Variants in L3MBTL2 observed in about 807,000 individuals in gnomAD.
L3MBTL2 encodes lethal(3)malignant brain tumor-like protein 2.
Under a neutral mutation model 86.4 loss-of-function variants are expected in L3MBTL2, and 49 were observed. The observed-to-expected ratio is 0.57, with a 90% confidence interval of 0.45 to 0.72. The LOEUF is 0.72. L3MBTL2 is among the 30% of genes least tolerant of loss of function. The pLI, the probability that L3MBTL2 is intolerant of heterozygous loss-of-function variation, is 0.00. For missense variants in L3MBTL2, 755 were observed against 923.7 expected, an observed-to-expected ratio of 0.82 and a Z score of 2.37; for synonymous variants, 336 against 350.6, an observed-to-expected ratio of 0.96 and a Z score of 0.47.
chr22:41,224,751 C>G lies in L3MBTL2; in HGVS notation c.1201C>G (p.Pro401Ala), dbSNP rs1253706948. The G allele has an allele frequency of 6.2e-7, 1 of 1,613,992 alleles. No individual in the cohort carries two copies. The highest frequency in any genetic ancestry group is 1.1e-5 in the South Asian group (1 of 91,080). The change falls in exon 10 of 17, where the codon CCC (proline) becomes GCC (alanine). Residue 401 changes from proline to alanine, a missense_variant. By Grantham distance (27) the Pro-to-Ala change is conservative. Around this residue, in one of 3 missense-constraint regions of L3MBTL2, gnomAD observed 634 missense variants for 748.9 expected, o/e 0.85. Transcript: ENST00000216237. The surrounding 1 kb of genome is among the most constrained non-coding windows in gnomAD (Gnocchi z 4.9). ...GAGGCGAAGTGACATGGCCCATCAC[C>G]CCACCTTCCGGAAGATCTACTGTGA... ...SERRSDMAHH[P>A]TFRKIYCDAV... is the part of the protein sequence containing the mutation.
intron 16 of L3MBTL2, 50 bp from the exon 17 acceptor site, chr22:41,230,089 C>CCCCCCCCCCCCCTT: frequency 1.1e-6 from 1 of 873,242 alleles, no homozygotes; most frequent in Non-Finnish European, 1.8e-6. Flanking sequence ...GCCCCCACCC[C>CCCCCCCCCCCCCTT]TCCCAGAGTT....
Position 41,224,854 on chromosome 22 carries a change from C to G in L3MBTL2, c.1251+53C>G, listed in dbSNP as rs2032073151. The G allele has an allele frequency of 6.4e-7, 1 of 1,558,858 alleles. No individual in the cohort carries two copies. Among genetic ancestry groups the G allele is most frequent in the African/African-American group, 1.4e-5 (1 of 73,796 alleles). On this transcript the variant is annotated intron_variant, in intron 10 of 16. Transcript: ENST00000216237. This position sits in a 1 kb window ranked among gnomAD's most constrained non-coding sequence, Gnocchi z 4.9. ...CCCTCAGCCATGGGTCCATTCCGGGCCTGAGGGACCTGGCTCTTCCCCTGG... is the reference window on the plus strand; with the variant it reads ...CCCTCAGCCATGGGTCCATTCCGGGGCTGAGGGACCTGGCTCTTCCCCTGG...
chr22:41,221,305 A>T lies in L3MBTL2; in HGVS notation c.942+18A>T, dbSNP rs1321279491. On this transcript the variant is annotated intron_variant, in intron 8 of 16. Transcript: ENST00000216237. Reference sequence around the variant, plus strand: ...ACATCAAGGTCGGCAGTGAGCCCTTAACTGATGTGCCTCCTTCCGCTCTTC... The same window carrying T: ...ACATCAAGGTCGGCAGTGAGCCCTTTACTGATGTGCCTCCTTCCGCTCTTC... 1.4e-5 allele frequency: 22 copies of T among 1,546,076 alleles called. No individual in the cohort carries two copies. The Admixed American group carries it at 2.6e-4, about 18-fold the overall frequency.
At position 41,227,382 on chromosome 22, in the gene L3MBTL2, T is replaced by C. The variant is rs1213485263; in HGVS notation, c.1822+59T>C. 4 of 1,461,748 alleles carry C rather than the reference T, an allele frequency of 2.7e-6. No individual in the cohort carries two copies. The highest frequency in any genetic ancestry group is 3.7e-6 in the Non-Finnish European group (4 of 1,066,976). 90.5% of individuals were successfully genotyped at this position (1,461,748 alleles called of 1,614,324 possible). On this transcript the variant is annotated intron_variant, in intron 14 of 16. Transcript: ENST00000216237. This position sits in a 1 kb window ranked among gnomAD's most constrained non-coding sequence, Gnocchi z 6.0. ...TTTCTTTCCTCTTCTTTTTTCCTTC[T>C]TCCCCCGCCCCTGTGCCCATCTCCG...
At position 41,225,202 on chromosome 22, in the gene L3MBTL2, G is replaced by A. The variant is rs2032096704; in HGVS notation, c.1356+131G>A. The A allele has an allele frequency of 4.2e-6, 3 of 706,110 alleles. No homozygotes were observed. Among genetic ancestry groups the A allele is most frequent in the East Asian group, 5.4e-5 (2 of 37,072 alleles). The allele number at this position is 706,110 out of a possible 1,614,324, so 43.7% of individuals were successfully genotyped here. A position where few individuals can be genotyped will look rare whatever the true frequency, so the allele number is the denominator to read the frequency against. On this transcript the variant is annotated intron_variant, in intron 11 of 16. Transcript: ENST00000216237. The surrounding 1 kb of genome is among the most constrained non-coding windows in gnomAD (Gnocchi z 4.1). ...CCTCTCATCACTGGCTGCACCCAGA[G>A]TCCCTGACTTTTGTGAGTGGGGCCT...
intron 2 of L3MBTL2, among the ~76,000 whole-genome samples, chr22:41,211,496 C>T (rs2030787640): frequency 1.3e-5 from 2 of 151,804 alleles, no homozygotes; most frequent in Middle Eastern, 6.8e-3. Context: ...TGAGCCACCG[C>T]ACCCAGCCCC....
chr22:41,228,141 T>C (rs763050950), intron 15 of L3MBTL2: 11 of 985,358 alleles, frequency 1.1e-5, no homozygotes, highest in Middle Eastern at 5.2e-4. Flanking sequence ...GAGATTGAGG[T>C]TGGGGGATCC....
In L3MBTL2 at chr22:41,227,212, G is replaced by T; in HGVS notation, c.1711G>T (p.Asp571Tyr). Residue 571 changes from aspartate to tyrosine, a missense_variant, in exon 14 of 17, where the codon GAC (aspartate) becomes TAC (tyrosine). Asp to Tyr is a radical substitution (Grantham distance 160). Around this residue, in one of 3 missense-constraint regions of L3MBTL2, gnomAD observed 634 missense variants for 748.9 expected, o/e 0.85. Transcript: ENST00000216237. The surrounding 1 kb of genome is among the most constrained non-coding windows in gnomAD (Gnocchi z 6.0). The part of the protein sequence containing the change: ...VVHRLLSIHF[D>Y]GWDSEYDQWV... ...GCATCGGCTCCTCAGCATCCACTTTGACGGCTGGGACAGCGAGTACGACCA... is the reference window on the plus strand; with the variant it reads ...GCATCGGCTCCTCAGCATCCACTTTTACGGCTGGGACAGCGAGTACGACCA... 1 of 1,613,552 alleles carries T rather than the reference G, an allele frequency of 6.2e-7. No individual in the cohort carries two copies. Among genetic ancestry groups the T allele is most frequent in the East Asian group, 2.2e-5 (1 of 44,884 alleles).
chr22:41,211,573 T>TTTTTTTTTTTTTTTTTTTC (rs758875511), intron 2 of L3MBTL2, among the ~76,000 whole-genome samples: 5 of 139,498 alleles, frequency 3.6e-5, no homozygotes, highest in African/African-American at 5.4e-5. Context: ...TTTTTTTTTT[T>TTTTTTTTTTTTTTTTTTTC]TGAGACGGAG....
At position 41,225,178 on chromosome 22, in the gene L3MBTL2, C is replaced by T. The variant is rs1396488750; in HGVS notation, c.1356+107C>T. 2.4e-6 allele frequency: 2 copies of T among 823,176 alleles called. No homozygotes were observed. Among genetic ancestry groups the T allele is most frequent in the Non-Finnish European group, 3.8e-6 (2 of 523,490 alleles). 51.0% of individuals were successfully genotyped at this position (823,176 alleles called of 1,614,324 possible). On this transcript the variant is annotated intron_variant, in intron 11 of 16. Coordinates refer to ENST00000216237, the MANE Select transcript of L3MBTL2 (RefSeq NM_031488.5). This position sits in a 1 kb window ranked among gnomAD's most constrained non-coding sequence, Gnocchi z 4.1. Reference sequence around the variant, plus strand: ...ACCGTCAGGGGGTCTGTGTCCCAGCCTCTCATCACTGGCTGCACCCAGAGT... The same window carrying T: ...ACCGTCAGGGGGTCTGTGTCCCAGCTTCTCATCACTGGCTGCACCCAGAGT...
At position 41,227,500 on chromosome 22, in the gene L3MBTL2, C is replaced by T. The variant is rs888565995; in HGVS notation, c.1822+177C>T. The T allele has an allele frequency of 1.5e-6, 2 of 1,336,814 alleles. No individual in the cohort carries two copies. Among genetic ancestry groups the T allele is most frequent in the Admixed American group, 2.0e-5 (1 of 50,626 alleles). The allele number at this position is 1,336,814 out of a possible 1,614,324, so 82.8% of individuals were successfully genotyped here. On this transcript the variant is annotated intron_variant, in intron 14 of 16. Coordinates refer to ENST00000216237, the MANE Select transcript of L3MBTL2 (RefSeq NM_031488.5). The surrounding 1 kb of genome is among the most constrained non-coding windows in gnomAD (Gnocchi z 6.0). ...CCCTGCTCCTGACTTCTCTGTCTCC[C>T]TTTCCCTCTGGCCTGCAGAGCTCCT...
chr22:41,214,289 G>A (rs2145579609), intron 3 of L3MBTL2: 1 of 303,880 alleles, frequency 3.3e-6, no homozygotes, highest in East Asian at 6.1e-5. Flanking sequence ...AGAACTATGG[G>A]GGAGTCTGAC....
chr22:41,223,198 A>G (rs966477074), intron 8 of L3MBTL2, among the ~76,000 whole-genome samples: 5 of 152,006 alleles, frequency 3.3e-5, no homozygotes, highest in African/African-American at 1.2e-4. Flanking sequence ...CTGCTTTGTG[A>G]CCTCTGAGAC....
intron 8 of L3MBTL2, among the ~76,000 whole-genome samples, chr22:41,222,956 T>C (rs1004279406): frequency 6.6e-6 from 1 of 150,612 alleles, no homozygotes; most frequent in Non-Finnish European, 1.5e-5. Flanking sequence ...AAAAATGGCG[T>C]TGGATTGTGG....
chr22:41,221,238 T>C lies in L3MBTL2; in HGVS notation c.893T>C (p.Met298Thr), dbSNP rs369673760. ...TTCACCGACTGGAAGGGCTACCTCATGAAACGGCTGGTGGGCTCCAGGACG... is the reference window on the plus strand; with the variant it reads ...TTCACCGACTGGAAGGGCTACCTCACGAAACGGCTGGTGGGCTCCAGGACG... The part of the protein sequence containing the change: ...AKFTDWKGYL[M>T]KRLVGSRTLP... Residue 298 changes from methionine to threonine, a missense_variant, in exon 8 of 17, where the codon ATG becomes ACG. By Grantham distance (81) the Met-to-Thr change is moderately conservative. Around this residue, in one of 3 missense-constraint regions of L3MBTL2, gnomAD observed 634 missense variants for 748.9 expected, o/e 0.85. Coordinates refer to ENST00000216237, the MANE Select transcript of L3MBTL2 (RefSeq NM_031488.5). 6.4e-7 allele frequency: 1 copy of C among 1,551,564 alleles called. No individual in the cohort carries two copies. The highest frequency in any genetic ancestry group is 8.7e-7 in the Non-Finnish European group (1 of 1,146,800).
intron 15 of L3MBTL2, chr22:41,228,573 A>G: frequency 1.0e-6 from 1 of 961,806 alleles, no homozygotes; most frequent in Non-Finnish European, 1.2e-6. Flanking sequence ...TGAGGCGGCC[A>G]GGCGCGGTGG....
chr22:41,222,861 C>G (rs2031921455), intron 8 of L3MBTL2, among the ~76,000 whole-genome samples: 1 of 152,072 alleles, frequency 6.6e-6, no homozygotes, highest in Non-Finnish European at 1.5e-5. Flanking sequence ...GCCGAAGTTG[C>G]AGTGAGCTGA....
At chr22:41,214,238 A>G (rs139453) in intron 3 of L3MBTL2, 190,894 of 508,960 alleles carry the variant, frequency 0.38, 37,647 homozygotes, top group African/African-American at 0.56. Context: ...ATTACCTACC[A>G]TCATCCCCCA....
At chr22:41,223,285 C>T (rs940101980) in intron 8 of L3MBTL2, among the ~76,000 whole-genome samples, 3 of 152,162 alleles carry the variant, frequency 2.0e-5, no homozygotes, top group Non-Finnish European at 4.4e-5. Context: ...CAGCAGTGCC[C>T]TGGGGCTGGA....
Sources: allele counts gnomAD v4.1 joint callset (sites outside exome capture counted in the v4.1 genomes callset), GRCh38; gene constraint gnomAD v4.1.1; regional missense constraint gnomAD v4.1.1; non-coding constraint Gnocchi (gnomAD v3.1); transcripts MANE v1.5; gene names NCBI Gene and HGNC (gene_info 2026-07-23, HGNC 2026-07-21).